Variants in SPOCK1 observed in about 807,000 individuals in gnomAD.
The protein encoded by SPOCK1 is testican-1.
SPOCK1 carries 23 observed loss-of-function variants against 55.3 expected under a neutral mutation model. The observed-to-expected ratio is 0.42, with a 90% confidence interval of 0.30 to 0.59. The LOEUF is 0.59. SPOCK1 is among the 20% of genes least tolerant of loss of function. The pLI, the probability that SPOCK1 is intolerant of heterozygous loss-of-function variation, is 0.22. For missense variants in SPOCK1, 499 were observed against 552.5 expected, an observed-to-expected ratio of 0.90 and a Z score of 0.97; for synonymous variants, 226 against 221.0, an observed-to-expected ratio of 1.02 and a Z score of -0.20.
intron 2 of SPOCK1, among the ~76,000 whole-genome samples, chr5:137,487,783 A>G (rs1394265257): frequency 6.6e-6 from 1 of 152,208 alleles, no homozygotes; most frequent in Non-Finnish European, 1.5e-5. Flanking sequence ...CTGGCAGCCA[A>G]TCAAGACCCA....
chr5:137,309,895 C>T lies in SPOCK1; in HGVS notation c.187-42840G>A, dbSNP rs114720340. 4.4e-3 allele frequency among the ~76,000 whole-genome samples: 666 copies of T among 152,238 alleles called. 10 individuals are homozygous for T. Among genetic ancestry groups the T allele is most frequent in the African/African-American group, 0.016 (644 of 41,522 alleles). ...TTTCTACTTTTCCAAGAGGGTCTGA[C>T]ATATCACATGTCATAGGCATTCTAT... On this transcript the variant is annotated intron_variant, in intron 2 of 10. Transcript: ENST00000394945.
At chr5:137,409,841 G>A (rs1228287615) in intron 2 of SPOCK1, among the ~76,000 whole-genome samples, 1 of 152,204 alleles carries the variant, frequency 6.6e-6, no homozygotes, top group African/African-American at 2.4e-5. Context: ...TCACTAATAA[G>A]TGCTGAGCAA....
chr5:137,301,388 G>A (rs552546072), intron 2 of SPOCK1, among the ~76,000 whole-genome samples: 2 of 152,278 alleles, frequency 1.3e-5, no homozygotes, highest in East Asian at 3.9e-4. Flanking sequence ...GAAGCCACAG[G>A]GAAACTATTT....
intron 4 of SPOCK1, among the ~76,000 whole-genome samples, chr5:137,126,633 A>C (rs1025624800): frequency 2.0e-5 from 3 of 152,128 alleles, no homozygotes; most frequent in Non-Finnish European, 4.4e-5. Flanking sequence ...ATGGTGGTGC[A>C]TGCCTGTAAT....
At chr5:137,054,073 G>A (rs1289760157) in intron 6 of SPOCK1, among the ~76,000 whole-genome samples, 2 of 152,164 alleles carry the variant, frequency 1.3e-5, no homozygotes, top group East Asian at 1.9e-4. Flanking sequence ...GTGTGTGCAT[G>A]CGCATGCACA....
At chr5:137,468,914 C>T (rs983598826) in intron 2 of SPOCK1, among the ~76,000 whole-genome samples, 1 of 152,162 alleles carries the variant, frequency 6.6e-6, no homozygotes, top group African/African-American at 2.4e-5. Context: ...CCTCACCCAC[C>T]TCATCACAAT....
intron 2 of SPOCK1, among the ~76,000 whole-genome samples, chr5:137,335,533 C>T (rs1750243925): frequency 6.6e-6 from 1 of 152,038 alleles, no homozygotes; most frequent in Admixed American, 6.5e-5. Context: ...AATAATTGGC[C>T]AAGAGTACAT....
chr5:137,408,197 C>A (rs1752140037), intron 2 of SPOCK1, among the ~76,000 whole-genome samples: 1 of 152,202 alleles, frequency 6.6e-6, no homozygotes, highest in Non-Finnish European at 1.5e-5. Context: ...AGAACAAAGA[C>A]CTTGGCTGTG....
intron 6 of SPOCK1, among the ~76,000 whole-genome samples, chr5:137,052,191 G>A (rs550621009): frequency 1.3e-5 from 2 of 152,300 alleles, no homozygotes; most frequent in South Asian, 2.1e-4. Flanking sequence ...GTTCCCTTAT[G>A]ATTGAGGTTG....
intron 2 of SPOCK1, among the ~76,000 whole-genome samples, chr5:137,372,742 T>C (rs1190896099): frequency 6.6e-6 from 1 of 152,136 alleles, no homozygotes; most frequent in African/African-American, 2.4e-5. Flanking sequence ...GAGGAGCTAA[T>C]ACATACTTAA....
At position 136,978,853 on chromosome 5, in the gene SPOCK1, T is replaced by C; in HGVS notation, c.1130-9A>G. 1 of 1,597,150 alleles carries C rather than the reference T, an allele frequency of 6.3e-7. No individual in the cohort carries two copies. The highest frequency in any genetic ancestry group is 1.8e-5 in the Admixed American group (1 of 57,026). On this transcript the variant is annotated splice_polypyrimidine_tract_variant and intron_variant, in intron 10 of 10. Transcript: ENST00000394945. ...GGTTTCCTGCTCCTCTTCTGAAAGA[T>C]TAAAAAAAGCATTGAGGTTAGTTTC... is the stretch of plus-strand genomic sequence containing the variant.
chr5:137,260,377 A>T (rs371911573), intron 3 of SPOCK1, among the ~76,000 whole-genome samples: 16 of 152,268 alleles, frequency 1.1e-4, no homozygotes, highest in African/African-American at 3.6e-4. Flanking sequence ...AATTCATTAG[A>T]TCTACAACTA....
chr5:137,449,578 G>T (rs1753206137), intron 2 of SPOCK1, among the ~76,000 whole-genome samples: 3 of 152,030 alleles, frequency 2.0e-5, no homozygotes, highest in African/African-American at 7.2e-5. Context: ...GTAAAATGAG[G>T]CAAAACCCAT....
chr5:137,136,373 C>T lies in SPOCK1; in HGVS notation c.347+4207G>A, dbSNP rs144754377. Among the ~76,000 whole-genome samples the T allele has an allele frequency of 2.6e-5, 4 of 152,112 alleles. No individual in the cohort carries two copies. The East Asian group carries it at 5.8e-4, about 22-fold the overall frequency. On this transcript the variant is annotated intron_variant, in intron 4 of 10. Coordinates refer to ENST00000394945, the MANE Select transcript of SPOCK1 (RefSeq NM_004598.4). Reference sequence around the variant, plus strand: ...TATGATCGCTCCACTGCCCTTCACCCAGATGATGGAGACTGTCTCAAAAAA... The same window carrying T: ...TATGATCGCTCCACTGCCCTTCACCTAGATGATGGAGACTGTCTCAAAAAA...
intron 2 of SPOCK1, among the ~76,000 whole-genome samples, chr5:137,437,767 T>C (rs1752894884): frequency 6.6e-6 from 1 of 152,224 alleles, no homozygotes; most frequent in Non-Finnish European, 1.5e-5. Context: ...TTCTAGCTCT[T>C]TTGAAATGTA....
chr5:137,115,455 T>G (rs186631830), intron 4 of SPOCK1, among the ~76,000 whole-genome samples: 1 of 152,274 alleles, frequency 6.6e-6, no homozygotes, highest in East Asian at 1.9e-4. Context: ...TTTTGGCATA[T>G]GTACTTTCAT....
intron 2 of SPOCK1, among the ~76,000 whole-genome samples, chr5:137,435,109 T>C (rs1752831577): frequency 6.6e-6 from 1 of 152,246 alleles, no homozygotes; most frequent in African/African-American, 2.4e-5. Flanking sequence ...TCTTACATCT[T>C]GTTCTACCAT....
intron 2 of SPOCK1, among the ~76,000 whole-genome samples, chr5:137,276,590 T>G (rs1208635806): frequency 6.6e-6 from 1 of 152,210 alleles, no homozygotes; most frequent in African/African-American, 2.4e-5. Context: ...AAGATAACAA[T>G]CCAACCTCGG....
Position 137,183,098 on chromosome 5 carries a change from C to G in SPOCK1, c.233-42404G>C, listed in dbSNP as rs1755000955. On this transcript the variant is annotated intron_variant, in intron 3 of 10. Transcript: ENST00000394945. ...GAACAGGTAACTCCACATGCAAACACAGGCCATTTTGTTACATGTAAATAT... is the reference window on the plus strand; with the variant it reads ...GAACAGGTAACTCCACATGCAAACAGAGGCCATTTTGTTACATGTAAATAT... 3.3e-5 allele frequency among the ~76,000 whole-genome samples: 5 copies of G among 152,166 alleles called. No individual in the cohort carries two copies. The South Asian group carries it at 1.0e-3, about 32-fold the overall frequency.
Sources: allele counts gnomAD v4.1 joint callset (sites outside exome capture counted in the v4.1 genomes callset), GRCh38; gene constraint gnomAD v4.1.1; transcripts MANE v1.5; gene names NCBI Gene and HGNC (gene_info 2026-07-23, HGNC 2026-07-21).